The following PEAK1 variants were observed in gnomAD, a reference collection of about 807,000 sequenced individuals.
PEAK1 encodes pseudopodium enriched atypical kinase 1, also known as inactive tyrosine-protein kinase PEAK1.
PEAK1 carries 54 observed loss-of-function variants against 124.7 expected under a neutral mutation model. The ratio of observed to expected loss-of-function variants is 0.43; its 90% CI spans 0.35 to 0.54. The LOEUF is 0.54. PEAK1 is among the 20% of genes least tolerant of loss of function. The pLI, the probability that PEAK1 is intolerant of heterozygous loss-of-function variation, is 0.01. For synonymous variants in PEAK1, 719 were observed against 760.0 expected, an observed-to-expected ratio of 0.95 and a Z score of 0.89; for missense variants, 2,046 against 2,134.5, an observed-to-expected ratio of 0.96 and a Z score of 0.82.
At chr15:77,274,892 A>G (rs1411674255) in intron 5 of PEAK1, among the ~76,000 whole-genome samples, 1 of 152,228 alleles carries the variant, frequency 6.6e-6, no homozygotes, top group African/African-American at 2.4e-5. Flanking sequence ...ACAATTCAAA[A>G]TTGCAAAAAT....
At chr15:77,256,140 A>C (rs548443818) in intron 5 of PEAK1, among the ~76,000 whole-genome samples, 1 of 152,174 alleles carries the variant, frequency 6.6e-6, no homozygotes, top group Non-Finnish European at 1.5e-5. Flanking sequence ...CTATGTACTA[A>C]TTTGGGAACA....
At chr15:77,203,247 A>G (rs756184753) in intron 6 of PEAK1, among the ~76,000 whole-genome samples, 1 of 152,044 alleles carries the variant, frequency 6.6e-6, no homozygotes, top group Admixed American at 6.6e-5. Context: ...CACTCACAGC[A>G]TAACTTTTAT....
At chr15:77,291,409 A>T (rs2063205876) in intron 2 of PEAK1, among the ~76,000 whole-genome samples, 1 of 152,152 alleles carries the variant, frequency 6.6e-6, no homozygotes, top group South Asian at 2.1e-4. Context: ...TTATAAAATA[A>T]ATTTCTTTAA....
chr15:77,350,844 TAATC>T (rs2067165408), intron 2 of PEAK1: 4 of 982,372 alleles, frequency 4.1e-6, no homozygotes, highest in Non-Finnish European at 3.6e-6. Flanking sequence ...TTAAGAAACA[TAATC>T]AATTACTGGA....
intron 6 of PEAK1, among the ~76,000 whole-genome samples, chr15:77,202,592 C>G (rs1432214003): frequency 6.6e-6 from 1 of 151,624 alleles, no homozygotes; most frequent in African/African-American, 2.4e-5. Flanking sequence ...CGGTGAAACC[C>G]CGTCTCTACT....
intron 1 of PEAK1, among the ~76,000 whole-genome samples, chr15:77,376,501 C>A (rs1336340078): frequency 6.6e-6 from 1 of 152,158 alleles, no homozygotes; most frequent in Non-Finnish European, 1.5e-5. Context: ...AATATCACCT[C>A]TCTCCTAAGA....
chr15:77,279,269 T>G (rs1291059558), intron 5 of PEAK1, among the ~76,000 whole-genome samples: 3 of 151,952 alleles, frequency 2.0e-5, no homozygotes, highest in South Asian at 2.1e-4. Flanking sequence ...TTTGAGAGAC[T>G]TCTTCTTGGA....
rs574829055 is a variant in PEAK1, at chr15:77,335,388, G to T, written c.-603+29775C>A. Reference sequence around the variant, plus strand: ...TATGTATCTAGTGGTCTTTTTAATGGAAATTTAGATGGGTGAAGATAGGAA... The same window carrying T: ...TATGTATCTAGTGGTCTTTTTAATGTAAATTTAGATGGGTGAAGATAGGAA... On this transcript the variant is annotated intron_variant, in intron 2 of 9. Coordinates refer to ENST00000682557, the MANE Select transcript of PEAK1 (RefSeq NM_001385026.1). 365 of 985,358 alleles carry T rather than the reference G, an allele frequency of 3.7e-4. 2 individuals carry two copies. In the South Asian group the frequency reaches 8.6e-3, roughly 23 times the overall value. The allele number at this position is 985,358 out of a possible 1,614,324, so 61.0% of individuals were successfully genotyped here.
Position 77,262,972 on chromosome 15 carries a change from T to A in PEAK1, c.-274-10446A>T, listed in dbSNP as rs570923828. On this transcript the variant is annotated intron_variant, in intron 5 of 9. Coordinates refer to ENST00000682557, the MANE Select transcript of PEAK1 (RefSeq NM_001385026.1). ...ACTCACTCAAAACCACTCAGCTACATGGAAACTGAACAACCTGCTCCTGAA... is the reference window on the plus strand; with the variant it reads ...ACTCACTCAAAACCACTCAGCTACAAGGAAACTGAACAACCTGCTCCTGAA... Among the ~76,000 whole-genome samples the A allele has an allele frequency of 4.6e-5, 7 of 152,254 alleles. No individual in the cohort carries two copies. The East Asian group carries it at 1.2e-3, about 25-fold the overall frequency.
intron 2 of PEAK1, chr15:77,351,003 C>CACAATAATGT: frequency 4.3e-6 from 4 of 940,526 alleles, no homozygotes; most frequent in Non-Finnish European, 5.1e-6. Flanking sequence ...GTACTAGGCA[C>CACAATAATGT]TATTGGTATT....
At chr15:77,354,244 T>C (rs1217023036) in intron 2 of PEAK1, among the ~76,000 whole-genome samples, 1 of 152,142 alleles carries the variant, frequency 6.6e-6, no homozygotes, top group Non-Finnish European at 1.5e-5. Context: ...AGGAAACAAA[T>C]AGTGCCACAC....
At chr15:77,377,687 C>G (rs2069140621) in intron 1 of PEAK1, among the ~76,000 whole-genome samples, 1 of 152,110 alleles carries the variant, frequency 6.6e-6, no homozygotes, top group African/African-American at 2.4e-5. Context: ...CCAGGCTAGT[C>G]TCAAGCTCTT....
chr15:77,418,768 T>C, intron 1 of PEAK1: 2 of 985,396 alleles, frequency 2.0e-6, no homozygotes, highest in Middle Eastern at 5.2e-4. Context: ...ACTTCCACAC[T>C]GCAGAGAGCA....
At chr15:77,419,647 C>G (rs929892375) in intron 1 of PEAK1, 210 of 985,160 alleles carry the variant, frequency 2.1e-4, no homozygotes, top group Non-Finnish European at 2.4e-4. Context: ...CACTTTCCCC[C>G]GCAACCTCCC....
intron 2 of PEAK1, among the ~76,000 whole-genome samples, chr15:77,295,530 G>A (rs996794481): frequency 7.2e-5 from 11 of 152,014 alleles, no homozygotes; most frequent in African/African-American, 2.4e-4. Flanking sequence ...ATCATACTCT[G>A]ATTCATTTAA....
At chr15:77,255,428 A>G (rs12900663) in intron 5 of PEAK1, 95,926 of 948,742 alleles carry the variant, frequency 0.1, 5,154 homozygotes, top group Non-Finnish European at 0.11. Flanking sequence ...CTCTCCCTGC[A>G]TTAGAAAAGA....
chr15:77,410,075 GT>G (rs71145825), intron 1 of PEAK1, among the ~76,000 whole-genome samples: 144 of 141,206 alleles, frequency 1.0e-3, no homozygotes, highest in African/African-American at 1.0e-3. Context: ...GTGTGTGTGT[GT>G]TTTTTTTTTT....
chr15:77,334,690 A>T, intron 2 of PEAK1: 3 of 985,248 alleles, frequency 3.0e-6, no homozygotes, highest in Non-Finnish European at 3.6e-6. Flanking sequence ...CTATTTTTTT[A>T]ACAATGTGTG....
At chr15:77,355,031 T>G (rs2067430251) in intron 2 of PEAK1, among the ~76,000 whole-genome samples, 5 of 149,158 alleles carry the variant, frequency 3.4e-5, no homozygotes, top group Admixed American at 3.3e-4. Context: ...AGAGCGAGAC[T>G]CCATCTCAAT....
Sources: allele counts gnomAD v4.1 joint callset (sites outside exome capture counted in the v4.1 genomes callset), GRCh38; gene constraint gnomAD v4.1.1; transcripts MANE v1.5; gene names NCBI Gene and HGNC (gene_info 2026-07-23, HGNC 2026-07-21).